Variants in SBK1 observed in about 807,000 individuals in gnomAD.
SBK1 encodes SH3 domain binding kinase 1.
SBK1 carries 11 observed loss-of-function variants against 24.4 expected under a neutral mutation model. The observed-to-expected ratio is 0.45, with a 90% CI of 0.28 to 0.75. The LOEUF is 0.75. Among genes scored for constraint, SBK1 ranks in the 30% least tolerant of loss-of-function variants. SBK1 has a pLI of 0.12. For synonymous variants in SBK1, 308 were observed against 284.4 expected, an observed-to-expected ratio of 1.08 and a Z score of -0.83; for missense variants, 467 against 620.5, an observed-to-expected ratio of 0.75 and a Z score of 2.63.
Position 28,320,363 on chromosome 16 carries a change from C to T in SBK1, c.717C>T (p.Phe239=). The change falls in exon 4 of 4, where the codon TTC becomes TTT. Residue 239 remains phenylalanine (F), a synonymous_variant. Coordinates refer to ENST00000341901, the MANE Select transcript of SBK1 (RefSeq NM_001024401.3). The surrounding 1 kb of genome is among the most constrained non-coding windows in gnomAD (Gnocchi z 8.5). ...ACACGGGCGTGGACGTGTGGGCCTTCGGCGTGCTCATCTTCTGCGTGCTCA... is the reference window on the plus strand; with the variant it reads ...ACACGGGCGTGGACGTGTGGGCCTTTGGCGTGCTCATCTTCTGCGTGCTCA... The part of the protein sequence containing the change: ...AVDTGVDVWA[F]GVLIFCVLTG... 3.8e-6 allele frequency: 6 copies of T among 1,593,142 alleles called. No individual in the cohort carries two copies. Among genetic ancestry groups the T allele is most frequent in the Non-Finnish European group, 4.3e-6 (5 of 1,176,212 alleles).
At position 28,320,018 on chromosome 16, in the gene SBK1, G is replaced by A; in HGVS notation, c.430-58G>A. 2.1e-6 allele frequency: 3 copies of A among 1,412,900 alleles called. No individual in the cohort carries two copies. The highest frequency in any genetic ancestry group is 2.8e-6 in the Non-Finnish European group (3 of 1,087,276). The allele number at this position is 1,412,900 out of a possible 1,614,324, so 87.5% of individuals were successfully genotyped here. A position where few individuals can be genotyped will look rare whatever the true frequency, so the allele number is the denominator to read the frequency against. The stretch of plus-strand genomic sequence containing the variant: ...GCTAGAGAGGGAGCTGGAGGGGAGG[G>A]CGGCGGGGCGGGCGCTGGAGAGCTG... On this transcript the variant is annotated intron_variant, in intron 3 of 3. Coordinates refer to ENST00000341901, the MANE Select transcript of SBK1 (RefSeq NM_001024401.3). The surrounding 1 kb of genome is among the most constrained non-coding windows in gnomAD (Gnocchi z 8.5).
At chr16:28,278,501 C>G (rs1218133049) in intron 1 of SBK1, among the ~76,000 whole-genome samples, 2 of 152,162 alleles carry the variant, frequency 1.3e-5, no homozygotes, top group Non-Finnish European at 2.9e-5. Context: ...GTCACCACGC[C>G]TGAGAAATTT....
intron 1 of SBK1, among the ~76,000 whole-genome samples, chr16:28,261,469 AC>A (rs1567667960): frequency 1.0e-4 from 14 of 135,462 alleles, no homozygotes; most frequent in African/African-American, 3.5e-4. Flanking sequence ...ACACACACAC[AC>A]ACACACACAA....
chr16:28,304,963 G>A (rs187011074), intron 1 of SBK1, among the ~76,000 whole-genome samples: 1 of 152,026 alleles, frequency 6.6e-6, no homozygotes, highest in African/African-American at 2.4e-5. Flanking sequence ...AGACTGGGGT[G>A]CAGTGGCACC....
chr16:28,267,687 G>T, intron 1 of SBK1, among the ~76,000 whole-genome samples: 1 of 152,220 alleles, frequency 6.6e-6, no homozygotes, highest in Non-Finnish European at 1.5e-5. Context: ...TGAGGAATTT[G>T]CACTTTAAGT....
intron 1 of SBK1, among the ~76,000 whole-genome samples, chr16:28,314,280 C>T (rs1317713315): frequency 2.0e-5 from 3 of 151,020 alleles, no homozygotes; most frequent in African/African-American, 2.4e-5. Flanking sequence ...CTTCAGCCTC[C>T]TGAGTAGCTG....
chr16:28,283,008 C>G (rs1221282300), intron 1 of SBK1, among the ~76,000 whole-genome samples: 2 of 152,140 alleles, frequency 1.3e-5, no homozygotes, highest in African/African-American at 2.4e-5. Flanking sequence ...TCTCGGCTCA[C>G]TGCAAACTCT....
Position 28,292,624 on chromosome 16 carries a change from G to T in SBK1, c.-684G>T. 1.0e-6 allele frequency: 1 copy of T among 982,054 alleles called. No individual in the cohort carries two copies. Among genetic ancestry groups the T allele is most frequent in the Non-Finnish European group, 1.2e-6 (1 of 828,156 alleles). The allele number at this position is 982,054 out of a possible 1,614,324, so 60.8% of individuals were successfully genotyped here. A position where few individuals can be genotyped will look rare whatever the true frequency, so the allele number is the denominator to read the frequency against. Reference sequence around the variant, plus strand: ...CCGCAGCCGGAGCCCGGGCCAGGCCGGGGGCCGGGAGCGCAGGGCCGGGCT... The same window carrying T: ...CCGCAGCCGGAGCCCGGGCCAGGCCTGGGGCCGGGAGCGCAGGGCCGGGCT... On this transcript the variant is annotated 5_prime_UTR_variant, in exon 1 of 4. Transcript: ENST00000341901.
rs2044867396 is a variant in SBK1 at position 28,322,946 on chromosome 16, CTCTCTCTCTCTCTCTCT to C, written c.*2026_*2042del. 7.8e-6 allele frequency: 1 copy of C among 128,080 alleles called. No individual in the cohort carries two copies. Among genetic ancestry groups the C allele is most frequent in the African/African-American group, 3.4e-5 (1 of 29,840 alleles). The allele number at this position is 128,080 out of a possible 1,614,324, so 7.9% of individuals were successfully genotyped here. A position where few individuals can be genotyped will look rare whatever the true frequency, so the allele number is the denominator to read the frequency against. The stretch of plus-strand genomic sequence containing the variant: ...TCTCTCTCTCCCTCTCTCTCTCTCT[CTCTCTCTCTCTCTCTCT>C]CTCTCTCTCTCTCTCTCCTCTCTTT... On this transcript the variant is annotated 3_prime_UTR_variant, in exon 4 of 4. Coordinates refer to ENST00000341901, the MANE Select transcript of SBK1 (RefSeq NM_001024401.3).
At chr16:28,283,683 C>T (rs2044547177) in intron 1 of SBK1, among the ~76,000 whole-genome samples, 1 of 152,140 alleles carries the variant, frequency 6.6e-6, no homozygotes, top group African/African-American at 2.4e-5. Context: ...AAGGATGTAT[C>T]AGGGAATGTG....
chr16:28,319,994 C>G lies in SBK1; in HGVS notation c.430-82C>G, dbSNP rs565705966. On this transcript the variant is annotated intron_variant, in intron 3 of 3. Coordinates refer to ENST00000341901, the MANE Select transcript of SBK1 (RefSeq NM_001024401.3). The surrounding 1 kb of genome is among the most constrained non-coding windows in gnomAD (Gnocchi z 4.0). Reference sequence around the variant, plus strand: ...AGGGTGGGAGGCGAAAACCGCCTTGCTAGAGAGGGAGCTGGAGGGGAGGGC... The same window carrying G: ...AGGGTGGGAGGCGAAAACCGCCTTGGTAGAGAGGGAGCTGGAGGGGAGGGC... The G allele has an allele frequency of 1.5e-6, 2 of 1,372,608 alleles. No individual in the cohort carries two copies. The highest frequency in any genetic ancestry group is 1.5e-5 in the African/African-American group (1 of 65,980). The allele number at this position is 1,372,608 out of a possible 1,614,324, so 85.0% of individuals were successfully genotyped here. A position where few individuals can be genotyped will look rare whatever the true frequency, so the allele number is the denominator to read the frequency against.
Position 28,292,976 on chromosome 16 carries a change from A to G in SBK1, c.-332A>G, listed in dbSNP as rs748208051. 1.0e-4 allele frequency: 99 copies of G among 983,126 alleles called. No homozygotes were observed. The highest frequency in any genetic ancestry group is 3.8e-4 in the South Asian group (8 of 21,190). 60.9% of individuals were successfully genotyped at this position (983,126 alleles called of 1,614,324 possible). On this transcript the variant is annotated 5_prime_UTR_variant, in exon 1 of 4. Transcript: ENST00000341901. ...GCCGGGATTGCGAGAACCCCCTCCC[A>G]AGATCCGGTCATTACAACTCCACAC...
upstream of SBK1, among the ~76,000 whole-genome samples, chr16:28,287,700 G>A (rs993368254): frequency 5.3e-5 from 8 of 152,120 alleles, no homozygotes; most frequent in South Asian, 6.2e-4. Context: ...GTTTCACTCC[G>A]TTGCTCAGAC....
At chr16:28,272,350 G>T (rs2044470818) in intron 1 of SBK1, among the ~76,000 whole-genome samples, 2 of 152,198 alleles carry the variant, frequency 1.3e-5, no homozygotes, top group African/African-American at 4.8e-5. Flanking sequence ...GATTCCAGGT[G>T]TGAGCCCCTG....
upstream of SBK1, among the ~76,000 whole-genome samples, chr16:28,288,780 C>T (rs1199763793): frequency 1.3e-5 from 2 of 152,202 alleles, no homozygotes; most frequent in Non-Finnish European, 2.9e-5. Flanking sequence ...GGTGCCCTCT[C>T]TTCTCACCTG....
At position 28,320,074 on chromosome 16, in the gene SBK1, A is replaced by C; in HGVS notation, c.430-2A>C. ...AGCGCGGCTTCCCCCGGCCGCCCGC[A>C]GGTGGGGCTCCCTGAGGACACGGTG... On this transcript the variant is annotated splice_acceptor_variant, in intron 3 of 3. Transcript: ENST00000341901. LOFTEE classifies it high-confidence loss of function. This position sits in a 1 kb window ranked among gnomAD's most constrained non-coding sequence, Gnocchi z 8.5. The C allele has an allele frequency of 6.7e-7, 1 of 1,488,478 alleles. No individual in the cohort carries two copies. The highest frequency in any genetic ancestry group is 1.4e-5 in the African/African-American group (1 of 70,048). 92.2% of individuals were successfully genotyped at this position (1,488,478 alleles called of 1,614,324 possible).
chr16:28,281,144 G>T (rs1171248959), intron 1 of SBK1, among the ~76,000 whole-genome samples: 1 of 152,098 alleles, frequency 6.6e-6, no homozygotes, highest in Non-Finnish European at 1.5e-5. Context: ...TCCTGGCTGA[G>T]CCTCCATCTC....
intron 1 of SBK1, among the ~76,000 whole-genome samples, chr16:28,309,892 G>T (rs188644391): frequency 6.6e-6 from 1 of 152,220 alleles, no homozygotes; most frequent in African/African-American, 2.4e-5. Context: ...GTGGATGCTT[G>T]TGCATCCGTG....
At chr16:28,298,380 G>C (rs1364673147) in intron 1 of SBK1, among the ~76,000 whole-genome samples, 1 of 152,204 alleles carries the variant, frequency 6.6e-6, no homozygotes, top group African/African-American at 2.4e-5. Context: ...ACAGCACCAC[G>C]TTAACCCCAG....
Sources: allele counts gnomAD v4.1 joint callset (sites outside exome capture counted in the v4.1 genomes callset), GRCh38; gene constraint gnomAD v4.1.1; non-coding constraint Gnocchi (gnomAD v3.1); transcripts MANE v1.5; gene names NCBI Gene and HGNC (gene_info 2026-07-23, HGNC 2026-07-21).